PPP2R3A: variants seen among roughly 807,000 people sequenced by gnomAD.
PPP2R3A encodes protein phosphatase 2 regulatory subunit B''alpha, also known as serine/threonine-protein phosphatase 2A regulatory subunit B'' subunit alpha.
A neutral mutation model predicts 106.9 loss-of-function variants in PPP2R3A; 80 were observed. The ratio of observed to expected loss-of-function variants is 0.75; its 90% CI spans 0.62 to 0.90. The LOEUF (loss-of-function observed/expected upper bound fraction) is 0.90. Ranked by LOEUF, PPP2R3A falls within the 40% of genes least tolerant of loss-of-function variation. PPP2R3A has a pLI of 0.00. For synonymous variants in PPP2R3A, 483 were observed against 468.3 expected (o/e 1.03, Z -0.41); for missense variants, 1,386 against 1,350.4 (o/e 1.03, Z -0.41).
At chr3:136,060,842 TAATAAC>T (rs745647027) in intron 5 of PPP2R3A, among the ~76,000 whole-genome samples, 1 of 152,190 alleles carries the variant, frequency 6.6e-6, no homozygotes, top group Non-Finnish European at 1.5e-5. Flanking sequence ...TTACTACTGT[TAATAAC>T]AATGTATCCT....
At chr3:136,053,392 A>G (rs369589688) in intron 5 of PPP2R3A, among the ~76,000 whole-genome samples, 49 of 152,338 alleles carry the variant, frequency 3.2e-4, no homozygotes, top group African/African-American at 5.8e-4. Context: ...AGTGACCAGA[A>G]GTAGGCTAAG....
At chr3:136,044,474 C>G (rs1002362994) in intron 4 of PPP2R3A, among the ~76,000 whole-genome samples, 1 of 147,020 alleles carries the variant, frequency 6.8e-6, no homozygotes, top group African/African-American at 2.5e-5. Context: ...ATCCTAGCTA[C>G]TTGGGAGGAT....
intron 13 of PPP2R3A, among the ~76,000 whole-genome samples, chr3:136,108,244 A>G (rs550667049): frequency 6.8e-6 from 1 of 146,158 alleles, no homozygotes; most frequent in Non-Finnish European, 1.5e-5. Flanking sequence ...GTGGATGTTT[A>G]TAATAGTGAA....
chr3:136,141,585 GTTAA>G (rs962359546), intron 13 of PPP2R3A, among the ~76,000 whole-genome samples: 2 of 152,198 alleles, frequency 1.3e-5, no homozygotes, highest in African/African-American at 2.4e-5. Flanking sequence ...CAGAGATGTG[GTTAA>G]TTAATTCAGG....
At chr3:136,039,480 G>T (rs1039198119) in intron 3 of PPP2R3A, among the ~76,000 whole-genome samples, 1 of 152,178 alleles carries the variant, frequency 6.6e-6, no homozygotes, top group African/African-American at 2.4e-5. Flanking sequence ...TGGGGGTAGA[G>T]TGGGGGTAGT....
At chr3:136,059,165 C>G (rs1408200303) in intron 5 of PPP2R3A, among the ~76,000 whole-genome samples, 2 of 151,834 alleles carry the variant, frequency 1.3e-5, no homozygotes, top group African/African-American at 4.8e-5. Flanking sequence ...AGAGCTTCTG[C>G]ACAGCAAAAG....
intron 13 of PPP2R3A, among the ~76,000 whole-genome samples, chr3:136,115,125 AG>A (rs1383486118): frequency 6.6e-6 from 1 of 152,208 alleles, no homozygotes; most frequent in Non-Finnish European, 1.5e-5. Flanking sequence ...CCAAGCAAAG[AG>A]TCTAGAGTGG....
rs80017620 is a variant in PPP2R3A, at chr3:136,091,329, A to G, written c.2927+662A>G. 4.9e-3 allele frequency among the ~76,000 whole-genome samples: 739 copies of G among 152,280 alleles called. 7 individuals are homozygous for G. The highest frequency in any genetic ancestry group is 0.017 in the African/African-American group (719 of 41,554). On this transcript the variant is annotated intron_variant, in intron 10 of 13. Transcript: ENST00000264977. ...ATTCGAAAAGTTATCTAAATGTTGT[A>G]TATGTCCAGGTATGGTGGCTCACAT... is the stretch of plus-strand genomic sequence containing the variant.
intron 5 of PPP2R3A, among the ~76,000 whole-genome samples, chr3:136,063,750 TAA>T (rs1378825854): frequency 1.3e-5 from 2 of 150,316 alleles, no homozygotes; most frequent in African/African-American, 4.9e-5. Flanking sequence ...TGGCAATCAT[TAA>T]AAAGTCAGGA....
At chr3:136,061,658 C>T (rs766625389) in intron 5 of PPP2R3A, among the ~76,000 whole-genome samples, 15 of 151,886 alleles carry the variant, frequency 9.9e-5, no homozygotes, top group Non-Finnish European at 2.1e-4. Flanking sequence ...CAGTGGCTCA[C>T]GCCTGTAATC....
At chr3:136,019,784 T>A (rs574073442) in intron 2 of PPP2R3A, among the ~76,000 whole-genome samples, 2 of 152,190 alleles carry the variant, frequency 1.3e-5, no homozygotes, top group Non-Finnish European at 2.9e-5. Context: ...GGGATCCTGG[T>A]CTTTTTGCCT....
At chr3:136,051,825 T>C (rs1329108995) in intron 5 of PPP2R3A, among the ~76,000 whole-genome samples, 6 of 152,202 alleles carry the variant, frequency 3.9e-5, no homozygotes, top group Admixed American at 3.9e-4. Flanking sequence ...CAATAACCAC[T>C]ACCCTGACTA....
At chr3:136,003,776 C>T (rs1257402120) in intron 2 of PPP2R3A, among the ~76,000 whole-genome samples, 1 of 152,034 alleles carries the variant, frequency 6.6e-6, no homozygotes, top group Admixed American at 6.5e-5. Flanking sequence ...AAATTACTTA[C>T]CTTTAATATC....
At chr3:136,117,960 C>G (rs947472630) in intron 13 of PPP2R3A, among the ~76,000 whole-genome samples, 1 of 152,144 alleles carries the variant, frequency 6.6e-6, no homozygotes, top group African/African-American at 2.4e-5. Context: ...TGATGAACAT[C>G]GATGCGAAAA....
At chr3:136,099,399 A>G (rs888838317) in intron 10 of PPP2R3A, among the ~76,000 whole-genome samples, 2 of 152,194 alleles carry the variant, frequency 1.3e-5, no homozygotes, top group African/African-American at 2.4e-5. Flanking sequence ...TTTCAGAGAA[A>G]ATAAAACATT....
At chr3:136,059,076 C>T (rs1306907358) in intron 5 of PPP2R3A, among the ~76,000 whole-genome samples, 1 of 152,088 alleles carries the variant, frequency 6.6e-6, no homozygotes, top group Non-Finnish European at 1.5e-5. Flanking sequence ...GACGTAGGCA[C>T]AGGCAAAGCT....
At chr3:136,069,582 AAT>A (rs1936365173) in intron 5 of PPP2R3A, among the ~76,000 whole-genome samples, 1 of 152,216 alleles carries the variant, frequency 6.6e-6, no homozygotes, top group African/African-American at 2.4e-5. Context: ...TGTCTCAAAA[AAT>A]AAAAATTATG....
intron 13 of PPP2R3A, among the ~76,000 whole-genome samples, chr3:136,140,780 C>T (rs1429705469): frequency 6.6e-6 from 1 of 150,940 alleles, no homozygotes; most frequent in Non-Finnish European, 1.5e-5. Context: ...TGTGGTGGCA[C>T]ACGCCTATAA....
intron 13 of PPP2R3A, among the ~76,000 whole-genome samples, chr3:136,109,057 G>C (rs1937558622): frequency 6.6e-6 from 1 of 152,150 alleles, no homozygotes; most frequent in Non-Finnish European, 1.5e-5. Context: ...CCATTTAAAT[G>C]TAGAAATGAG....
Sources: allele counts gnomAD v4.1 joint callset (sites outside exome capture counted in the v4.1 genomes callset), GRCh38; gene constraint gnomAD v4.1.1; transcripts MANE v1.5; gene names NCBI Gene and HGNC (gene_info 2026-07-23, HGNC 2026-07-21).